Variants in IMMP2L observed in about 807,000 individuals in gnomAD.
The protein encoded by IMMP2L is mitochondrial inner membrane protease subunit 2.
In IMMP2L, 18 loss-of-function variants were observed where a neutral mutation model predicts 19.3. The observed-to-expected ratio is 0.93, with a 90% CI of 0.64 to 1.38. IMMP2L has a LOEUF of 1.38. Ranked by LOEUF, IMMP2L falls within the 40% of genes most tolerant of loss-of-function variation. IMMP2L has a pLI of 0.00. For synonymous variants in IMMP2L, 76 were observed against 73.0 expected (o/e 1.04, Z -0.21); for missense variants, 233 against 218.2 (o/e 1.07, Z -0.43).
chr7:110,825,637 T>C (rs1389976134), intron 5 of IMMP2L, among the ~76,000 whole-genome samples: 3 of 152,274 alleles, frequency 2.0e-5, no homozygotes, highest in Non-Finnish European at 2.9e-5. Context: ...TAGTCATATG[T>C]AGAAAGCTGA....
chr7:111,203,569 C>CT (rs199683002), intron 3 of IMMP2L, among the ~76,000 whole-genome samples: 59,758 of 127,686 alleles, frequency 0.47, 13,833 homozygotes, highest in Non-Finnish European at 0.53. Flanking sequence ...TATACTGGTT[C>CT]TTTTTTTTTT....
chr7:111,000,085 C>T (rs1469831046), intron 3 of IMMP2L, among the ~76,000 whole-genome samples: 2 of 152,046 alleles, frequency 1.3e-5, no homozygotes, highest in African/African-American at 4.8e-5. Flanking sequence ...GTGGTTGTTG[C>T]TGTTTGTTGT....
chr7:110,988,505 G>T (rs1822090259), intron 3 of IMMP2L, among the ~76,000 whole-genome samples: 1 of 152,138 alleles, frequency 6.6e-6, no homozygotes, highest in Non-Finnish European at 1.5e-5. Flanking sequence ...TCTAGTTGAT[G>T]CACAGGAAGA....
chr7:110,681,308 C>T (rs1395361635), intron 5 of IMMP2L, among the ~76,000 whole-genome samples: 1 of 151,994 alleles, frequency 6.6e-6, no homozygotes, highest in Non-Finnish European at 1.5e-5. Context: ...GTATAGAACC[C>T]TAGAAATTGT....
intron 4 of IMMP2L, among the ~76,000 whole-genome samples, chr7:110,921,172 T>C (rs1814233837): frequency 6.6e-6 from 1 of 152,210 alleles, no homozygotes; most frequent in African/African-American, 2.4e-5. Flanking sequence ...ATGCTACTCA[T>C]TGTATAACAT....
At chr7:111,132,826 G>A (rs1801975578) in intron 3 of IMMP2L, among the ~76,000 whole-genome samples, 1 of 151,984 alleles carries the variant, frequency 6.6e-6, no homozygotes, top group African/African-American at 2.4e-5. Flanking sequence ...ATATGTCTGA[G>A]TGAAAGAAAG....
rs563974144 is a variant in IMMP2L, at chr7:111,546,883, G to A, written c.-3+14968C>T. Among the ~76,000 whole-genome samples the A allele has an allele frequency of 3.7e-4, 56 of 152,246 alleles. 1 individual carries two copies. Among genetic ancestry groups the A allele is most frequent in the African/African-American group, 1.2e-3 (51 of 41,566 alleles). Reference sequence around the variant, plus strand: ...TGTATCTGAAAAAATGAGAAGATATGATCCAAATTTTAAAAATGAAACAAA... The same window carrying A: ...TGTATCTGAAAAAATGAGAAGATATAATCCAAATTTTAAAAATGAAACAAA... On this transcript the variant is annotated intron_variant, in intron 1 of 5. Transcript: ENST00000405709.
chr7:111,289,004 A>C (rs1414826743), intron 3 of IMMP2L, among the ~76,000 whole-genome samples: 1 of 152,176 alleles, frequency 6.6e-6, no homozygotes. Flanking sequence ...AATAGCAAAG[A>C]CTTGGAACCA....
chr7:111,377,379 C>A (rs117757546), intron 3 of IMMP2L, among the ~76,000 whole-genome samples: 1,895 of 151,868 alleles, frequency 0.012, 27 homozygotes, highest in Non-Finnish European at 0.021. Context: ...TCCCTCTATA[C>A]TACAGCTCTG....
In IMMP2L at chr7:111,199,725, G is replaced by C. The variant is rs967230185; in HGVS notation, c.240-236160C>G. Among the ~76,000 whole-genome samples, 3 of 152,082 alleles carry C rather than the reference G, an allele frequency of 2.0e-5. No homozygotes were observed. In the South Asian group the frequency reaches 6.2e-4, roughly 31 times the overall value. On this transcript the variant is annotated intron_variant, in intron 3 of 5. Coordinates refer to ENST00000405709, the MANE Select transcript of IMMP2L (RefSeq NM_032549.4). Reference sequence around the variant, plus strand: ...TTTACTATCAAAAGCAGCAAACTCTGCTAAAGTTAAAATTACAATCTTATG... The same window carrying C: ...TTTACTATCAAAAGCAGCAAACTCTCCTAAAGTTAAAATTACAATCTTATG...
At chr7:111,121,945 G>T (rs1329290383) in intron 3 of IMMP2L, among the ~76,000 whole-genome samples, 1 of 152,064 alleles carries the variant, frequency 6.6e-6, no homozygotes, top group Non-Finnish European at 1.5e-5. Context: ...GGATGAAGCT[G>T]GAAATCATCA....
chr7:111,161,621 T>C (rs1032828543), intron 3 of IMMP2L, among the ~76,000 whole-genome samples: 1 of 151,936 alleles, frequency 6.6e-6, no homozygotes, highest in African/African-American at 2.4e-5. Context: ...TATCCTATCA[T>C]GGTATATTCA....
At chr7:110,805,916 C>T (rs144971067) in intron 5 of IMMP2L, among the ~76,000 whole-genome samples, 3 of 151,900 alleles carry the variant, frequency 2.0e-5, no homozygotes, top group East Asian at 3.9e-4. Context: ...GTAGAAAAAT[C>T]AAAAAGACTT....
intron 3 of IMMP2L, among the ~76,000 whole-genome samples, chr7:111,324,891 G>T (rs1825151041): frequency 6.6e-6 from 1 of 151,752 alleles, no homozygotes; most frequent in South Asian, 2.1e-4. Flanking sequence ...ACATTTGGTT[G>T]CTTCACAATC....
intron 3 of IMMP2L, among the ~76,000 whole-genome samples, chr7:111,237,870 C>T (rs1282340072): frequency 1.3e-5 from 2 of 151,972 alleles, no homozygotes; most frequent in Non-Finnish European, 2.9e-5. Context: ...TACTTATGCT[C>T]CCTAAGCTTT....
chr7:111,338,011 G>A (rs1042267802), intron 3 of IMMP2L, among the ~76,000 whole-genome samples: 11 of 152,124 alleles, frequency 7.2e-5, no homozygotes, highest in East Asian at 3.9e-4. Context: ...GATAGATTAC[G>A]ATTCAGGGCA....
At chr7:111,316,283 G>A (rs976258692) in intron 3 of IMMP2L, among the ~76,000 whole-genome samples, 1 of 152,000 alleles carries the variant, frequency 6.6e-6, no homozygotes, top group Non-Finnish European at 1.5e-5. Context: ...GAGGATGTTA[G>A]ATGTATTCAA....
chr7:111,215,658 A>G (rs1052150032), intron 3 of IMMP2L, among the ~76,000 whole-genome samples: 5 of 152,172 alleles, frequency 3.3e-5, no homozygotes, highest in Admixed American at 1.3e-4. Context: ...GCACTTAAAA[A>G]AGAAAAGTAT....
chr7:110,871,997 T>G (rs562741536), intron 5 of IMMP2L, among the ~76,000 whole-genome samples: 10 of 152,264 alleles, frequency 6.6e-5, no homozygotes, highest in African/African-American at 2.4e-4. Flanking sequence ...TATATACTGC[T>G]GCTAGGATCA....
Sources: allele counts gnomAD v4.1 joint callset (sites outside exome capture counted in the v4.1 genomes callset), GRCh38; gene constraint gnomAD v4.1.1; transcripts MANE v1.5; gene names NCBI Gene and HGNC (gene_info 2026-07-23, HGNC 2026-07-21).